The following SUPT3H variants were observed in gnomAD, a reference collection of about 807,000 sequenced individuals.
SUPT3H encodes the protein SPT3 homolog, SAGA and STAGA complex component.
Under a neutral mutation model 44.3 loss-of-function variants are expected in SUPT3H, and 44 were observed. The ratio of observed to expected loss-of-function variants is 0.99; its 90% CI spans 0.78 to 1.28. The LOEUF is 1.28. SUPT3H is among the 50% of genes most tolerant of loss of function. The pLI, the probability that SUPT3H is intolerant of heterozygous loss-of-function variation, is 0.00. For missense variants in SUPT3H, 380 were observed against 387.1 expected (o/e 0.98, Z 0.15); for synonymous variants, 124 against 125.6 (o/e 0.99, Z 0.09).
intron 2 of SUPT3H, among the ~76,000 whole-genome samples, chr6:45,196,891 T>G (rs1160879813): frequency 6.6e-6 from 1 of 151,748 alleles, no homozygotes; most frequent in African/African-American, 2.4e-5. Context: ...TATATTATTT[T>G]TTTAAAACCC....
intron 3 of SUPT3H, among the ~76,000 whole-genome samples, chr6:45,059,619 T>A (rs2396379): frequency 6.6e-6 from 1 of 151,900 alleles, no homozygotes; most frequent in South Asian, 2.1e-4. Flanking sequence ...ATAAAGCATA[T>A]TCAAATAGGG....
chr6:45,181,550 G>A (rs1394270430), intron 2 of SUPT3H, among the ~76,000 whole-genome samples: 1 of 151,840 alleles, frequency 6.6e-6, no homozygotes, highest in Non-Finnish European at 1.5e-5. Context: ...AAAATGATGA[G>A]TTCATGTCCT....
rs565346961 is a variant in SUPT3H, at chr6:45,376,870, T to C, written c.-1+898A>G. Among the ~76,000 whole-genome samples, 3 of 152,272 alleles carry C rather than the reference T, an allele frequency of 2.0e-5. No homozygotes were observed. The South Asian group carries it at 6.2e-4, about 32-fold the overall frequency. On this transcript the variant is annotated intron_variant, in intron 1 of 10. Coordinates refer to ENST00000371459, the MANE Select transcript of SUPT3H (RefSeq NM_003599.4). ...AAATACATACATACATATATACACATACATATACTTATATACACACATATG... is the reference window on the plus strand; with the variant it reads ...AAATACATACATACATATATACACACACATATACTTATATACACACATATG...
intron 2 of SUPT3H, among the ~76,000 whole-genome samples, chr6:45,110,199 A>G (rs1046734698): frequency 6.6e-5 from 10 of 152,152 alleles, no homozygotes; most frequent in South Asian, 2.1e-4. Flanking sequence ...GCTTTATTCA[A>G]TCCTGGGATG....
At chr6:45,059,079 T>C (rs991170391) in intron 3 of SUPT3H, among the ~76,000 whole-genome samples, 10 of 152,124 alleles carry the variant, frequency 6.6e-5, no homozygotes, top group Admixed American at 6.5e-4. Context: ...CTTTCCTTCA[T>C]AGTATTTTCT....
intron 1 of SUPT3H, among the ~76,000 whole-genome samples, chr6:45,372,918 A>C (rs950072442): frequency 6.6e-6 from 1 of 152,100 alleles, no homozygotes; most frequent in Non-Finnish European, 1.5e-5. Context: ...CCAGGGTTCA[A>C]GCGATTCTGA....
chr6:45,124,581 GT>G (rs1197805957), intron 2 of SUPT3H, among the ~76,000 whole-genome samples: 1 of 151,384 alleles, frequency 6.6e-6, no homozygotes, highest in Non-Finnish European at 1.5e-5. Flanking sequence ...GGACGCGGAG[GT>G]TGCAGCAAGC....
Position 45,164,533 on chromosome 6 carries a change from G to C in SUPT3H, c.102-58527C>G, listed in dbSNP as rs35454412. ...GTGTTAGGGAATGAGTGCTTCGTTA[G>C]TCAACCTACAAGTGTCTGCCTCACT... On this transcript the variant is annotated intron_variant, in intron 2 of 10. Transcript: ENST00000371459. Among the ~76,000 whole-genome samples, 1,481 of 152,210 alleles carry C rather than the reference G, an allele frequency of 9.7e-3. 11 individuals are homozygous for C. The highest frequency in any genetic ancestry group is 0.013 in the Non-Finnish European group (911 of 68,012).
At chr6:44,993,465 C>T (rs1363047189) in intron 6 of SUPT3H, among the ~76,000 whole-genome samples, 1 of 151,572 alleles carries the variant, frequency 6.6e-6, no homozygotes, top group East Asian at 1.9e-4. Context: ...GCACTTTCCC[C>T]AATTTTAGAC....
chr6:45,188,865 G>A lies in SUPT3H; in HGVS notation c.102-82859C>T, dbSNP rs76093909. On this transcript the variant is annotated intron_variant, in intron 2 of 10. Coordinates refer to ENST00000371459, the MANE Select transcript of SUPT3H (RefSeq NM_003599.4). ...GGTAGTTTGAGTTCACGTCATTGCA[G>A]ACTTTTTGTTCTTTAAAATAGGTAA... Among the ~76,000 whole-genome samples, 721 of 152,264 alleles carry A rather than the reference G, an allele frequency of 4.7e-3. 13 individuals carry two copies. Among genetic ancestry groups the A allele is most frequent in the East Asian group, 0.042 (216 of 5,186 alleles).
intron 10 of SUPT3H, among the ~76,000 whole-genome samples, chr6:44,884,727 C>T (rs565314497): frequency 1.9e-4 from 29 of 152,168 alleles, no homozygotes; most frequent in African/African-American, 5.1e-4. Flanking sequence ...TCTGAGGTAC[C>T]GGGTTCATCT....
intron 2 of SUPT3H, among the ~76,000 whole-genome samples, chr6:45,132,876 T>C (rs1039306403): frequency 3.3e-5 from 5 of 152,078 alleles, no homozygotes; most frequent in Non-Finnish European, 4.4e-5. Context: ...TATCACCCCC[T>C]TTACAAAAAA....
At chr6:44,910,696 TA>T (rs11346126) in intron 10 of SUPT3H, among the ~76,000 whole-genome samples, 132,493 of 147,726 alleles carry the variant, frequency 0.9, 60,111 homozygotes, top group East Asian at 0.99. Flanking sequence ...TCTTTCAAAT[TA>T]AAAAAAAAAA....
At chr6:45,000,586 A>G (rs1781888155) in intron 6 of SUPT3H, among the ~76,000 whole-genome samples, 1 of 152,082 alleles carries the variant, frequency 6.6e-6, no homozygotes, top group African/African-American at 2.4e-5. Flanking sequence ...GAGAAACTAT[A>G]TGTTTTCAAA....
At chr6:44,990,971 C>T (rs1199120502) in intron 6 of SUPT3H, among the ~76,000 whole-genome samples, 2 of 151,706 alleles carry the variant, frequency 1.3e-5, no homozygotes, top group Non-Finnish European at 2.9e-5. Flanking sequence ...TTGGATTTTT[C>T]TAAAGTTTGT....
At chr6:45,066,303 G>A (rs1388364673) in intron 3 of SUPT3H, among the ~76,000 whole-genome samples, 1 of 151,154 alleles carries the variant, frequency 6.6e-6, no homozygotes, top group Non-Finnish European at 1.5e-5. Context: ...GTATTGATGG[G>A]ACGTATTTCA....
chr6:45,342,238 T>C (rs1789936406), intron 2 of SUPT3H, among the ~76,000 whole-genome samples: 1 of 151,836 alleles, frequency 6.6e-6, no homozygotes, highest in Non-Finnish European at 1.5e-5. Flanking sequence ...GAAAAAAAAA[T>C]AGAATACTAA....
chr6:45,014,096 ACG>A (rs1275807971), intron 5 of SUPT3H, among the ~76,000 whole-genome samples: 2 of 152,180 alleles, frequency 1.3e-5, no homozygotes, highest in Admixed American at 6.6e-5. Flanking sequence ...CAGAAGTCCC[ACG>A]TCAAGATTAG....
chr6:44,817,908 C>G (rs1229873665), intron 11 of SUPT3H, among the ~76,000 whole-genome samples: 1 of 152,080 alleles, frequency 6.6e-6, no homozygotes, highest in Non-Finnish European at 1.5e-5. Context: ...TCAGTTCTTT[C>G]CAAATTAAGC....
Sources: allele counts gnomAD v4.1 joint callset (sites outside exome capture counted in the v4.1 genomes callset), GRCh38; gene constraint gnomAD v4.1.1; transcripts MANE v1.5; gene names NCBI Gene and HGNC (gene_info 2026-07-23, HGNC 2026-07-21).